The following PLPPR5 variants were observed in gnomAD, a reference collection of about 807,000 sequenced individuals.
PLPPR5 encodes phospholipid phosphatase related 5.
In PLPPR5, 16 loss-of-function variants were observed where a neutral mutation model predicts 33.9. The observed-to-expected ratio is 0.47, with a 90% CI of 0.32 to 0.72. The LOEUF (loss-of-function observed/expected upper bound fraction) is 0.72. Among genes scored for constraint, PLPPR5 ranks in the 30% least tolerant of loss-of-function variants. PLPPR5 has a pLI of 0.03. For missense variants in PLPPR5, 301 were observed against 406.7 expected (o/e 0.74, Z 2.23); for synonymous variants, 163 against 150.3 (o/e 1.08, Z -0.62).
intron 1 of PLPPR5, among the ~76,000 whole-genome samples, chr1:98,958,230 T>C (rs1461345170): frequency 1.3e-5 from 2 of 152,236 alleles, no homozygotes; most frequent in South Asian, 4.1e-4. Context: ...TTGGGATCTC[T>C]ATGAAAAGTA....
At chr1:98,969,756 C>G (rs1463029402) in intron 1 of PLPPR5, among the ~76,000 whole-genome samples, 1 of 132,020 alleles carries the variant, frequency 7.6e-6, no homozygotes, top group African/African-American at 3.2e-5. Flanking sequence ...TTTCTTTTTG[C>G]TAGTTCAGAA....
At chr1:98,984,149 C>T (rs1196580022) in intron 1 of PLPPR5, among the ~76,000 whole-genome samples, 2 of 151,928 alleles carry the variant, frequency 1.3e-5, no homozygotes, top group Admixed American at 6.6e-5. Context: ...ACTACTAAAG[C>T]AGCCTGGCAA....
At chr1:98,957,541 A>G (rs1163400703) in intron 1 of PLPPR5, among the ~76,000 whole-genome samples, 1 of 151,998 alleles carries the variant, frequency 6.6e-6, no homozygotes, top group African/African-American at 2.4e-5. Context: ...AGAATTCACA[A>G]CAGATTCTCC....
chr1:98,987,402 ATC>A (rs1278578648), intron 1 of PLPPR5, among the ~76,000 whole-genome samples: 1 of 151,850 alleles, frequency 6.6e-6, no homozygotes, highest in African/African-American at 2.4e-5. Context: ...TAAAAATCTG[ATC>A]TGTTATTAGT....
At chr1:98,954,372 A>C (rs1650924144) in intron 2 of PLPPR5, among the ~76,000 whole-genome samples, 1 of 152,150 alleles carries the variant, frequency 6.6e-6, no homozygotes, top group Non-Finnish European at 1.5e-5. Flanking sequence ...GTACTGATTT[A>C]TTAAAATGTC....
intron 1 of PLPPR5, among the ~76,000 whole-genome samples, chr1:98,982,520 A>G (rs1383293089): frequency 6.6e-6 from 1 of 152,050 alleles, no homozygotes; most frequent in Non-Finnish European, 1.5e-5. Flanking sequence ...TGAAACAACC[A>G]ATCTGCTTTT....
Position 98,975,892 on chromosome 1 carries a change from C to T in PLPPR5, c.238-19151G>A, listed in dbSNP as rs567617243. 2.0e-5 allele frequency among the ~76,000 whole-genome samples: 3 copies of T among 151,968 alleles called. No homozygotes were observed. The South Asian group carries it at 6.2e-4, about 32-fold the overall frequency. On this transcript the variant is annotated intron_variant, in intron 1 of 5. Transcript: ENST00000263177. ...CACAATTTTCCCACTAATGTGAGAT[C>T]GTTGAGGACTTCCTTTTCATTATTG...
intron 5 of PLPPR5, among the ~76,000 whole-genome samples, chr1:98,893,618 CTTTTTTTT>C (rs58092144): frequency 3.3e-5 from 3 of 90,076 alleles, no homozygotes; most frequent in Non-Finnish European, 4.3e-5. Context: ...TTCACAGCGC[CTTTTTTTT>C]TTTTTTTTTT....
chr1:99,004,664 AG>A lies in PLPPR5; in HGVS notation c.7del (p.Leu3CysfsTer16), dbSNP rs924012866. The part of the protein sequence containing the change: MP[L>X]LPAALTSSML... ...GCTGCTGGTGAGCGCCGCGGGCAGCAGGGGCATGCACGCCTCCCGGGCCGGG... is the reference window on the plus strand; with the variant it reads ...GCTGCTGGTGAGCGCCGCGGGCAGCAGGGCATGCACGCCTCCCGGGCCGGG... On this transcript the variant is annotated frameshift_variant, in exon 1 of 6. Coordinates refer to ENST00000263177, the MANE Select transcript of PLPPR5 (RefSeq NM_001037317.2). LOFTEE classifies it high-confidence loss of function. 1 of 1,609,978 alleles carries A rather than the reference AG, an allele frequency of 6.2e-7. No homozygotes were observed. Among genetic ancestry groups the A allele is most frequent in the Admixed American group, 1.7e-5 (1 of 59,752 alleles).
intron 3 of PLPPR5, among the ~76,000 whole-genome samples, chr1:98,929,976 G>T (rs1354102731): frequency 5.3e-5 from 8 of 152,112 alleles, no homozygotes; most frequent in Non-Finnish European, 8.8e-5. Context: ...AACATCTGAA[G>T]AATTATCTGC....
At chr1:98,949,136 C>T (rs1439916429) in intron 3 of PLPPR5, among the ~76,000 whole-genome samples, 3 of 151,936 alleles carry the variant, frequency 2.0e-5, no homozygotes, top group Non-Finnish European at 2.9e-5. Context: ...AAAAGAAATA[C>T]CACAAAGGTA....
chr1:98,993,407 A>T (rs552292156), intron 1 of PLPPR5, among the ~76,000 whole-genome samples: 2 of 152,164 alleles, frequency 1.3e-5, no homozygotes, highest in East Asian at 3.9e-4. Flanking sequence ...ATAAAAAGGG[A>T]ACCCCAAGTA....
At chr1:98,894,645 G>T (rs1260465672) in intron 5 of PLPPR5, among the ~76,000 whole-genome samples, 1 of 152,084 alleles carries the variant, frequency 6.6e-6, no homozygotes, top group Non-Finnish European at 1.5e-5. Flanking sequence ...AGAGAGAAAA[G>T]AAAGGAGGTA....
At chr1:98,972,338 C>T (rs1053654510) in intron 1 of PLPPR5, among the ~76,000 whole-genome samples, 2 of 152,062 alleles carry the variant, frequency 1.3e-5, no homozygotes, top group African/African-American at 4.8e-5. Context: ...GAAAACAATT[C>T]TACTTAATGA....
intron 5 of PLPPR5, among the ~76,000 whole-genome samples, chr1:98,893,639 T>TTTTTTC (rs1648367084): frequency 6.6e-6 from 1 of 150,716 alleles, no homozygotes; most frequent in Non-Finnish European, 1.5e-5. Flanking sequence ...TTTTTTTTTT[T>TTTTTTC]TGGGAAATCA....
At chr1:98,987,997 T>C (rs1356755365) in intron 1 of PLPPR5, among the ~76,000 whole-genome samples, 1 of 152,110 alleles carries the variant, frequency 6.6e-6, no homozygotes, top group Non-Finnish European at 1.5e-5. Flanking sequence ...GGCATTCTTA[T>C]TTTTATGGAA....
chr1:98,938,180 G>A (rs1313593899), intron 3 of PLPPR5, among the ~76,000 whole-genome samples: 3 of 151,960 alleles, frequency 2.0e-5, no homozygotes, highest in Admixed American at 2.0e-4. Context: ...AGACATGATA[G>A]CATAGTAATT....
At chr1:98,971,965 G>C (rs1288167016) in intron 1 of PLPPR5, among the ~76,000 whole-genome samples, 1 of 152,138 alleles carries the variant, frequency 6.6e-6, no homozygotes, top group African/African-American at 2.4e-5. Flanking sequence ...CAACAATTCA[G>C]AGGCTTGAAT....
rs528027646 is a variant in PLPPR5 at position 98,944,893 on chromosome 1, A to G, written c.621+8177T>C. Reference sequence around the variant, plus strand: ...GCAATGTATGCCCCAGGGGTCCAGGAGTAAGGCCATGTCACCTGCAGCAGA... The same window carrying G: ...GCAATGTATGCCCCAGGGGTCCAGGGGTAAGGCCATGTCACCTGCAGCAGA... On this transcript the variant is annotated intron_variant, in intron 3 of 5. Coordinates refer to ENST00000263177, the MANE Select transcript of PLPPR5 (RefSeq NM_001037317.2). Among the ~76,000 whole-genome samples the G allele has an allele frequency of 7.9e-5, 12 of 152,344 alleles. No homozygotes were observed. The East Asian group carries it at 1.2e-3, about 15-fold the overall frequency.
Sources: gnomAD v4.1 joint callset for allele counts (sites outside exome capture counted in the v4.1 genomes callset) on GRCh38, gnomAD v4.1.1 for gene constraint, MANE v1.5 for transcripts, NCBI Gene and HGNC (gene_info 2026-07-23, HGNC 2026-07-21) for gene names.